ADAMTSL1: variants seen among roughly 807,000 people sequenced by gnomAD.
ADAMTSL1 encodes ADAMTS-like protein 1.
A neutral mutation model predicts 201.8 loss-of-function variants in ADAMTSL1; 126 were observed. The observed-to-expected ratio is 0.62, with a 90% CI of 0.54 to 0.72. The LOEUF is 0.72. Ranked by LOEUF, ADAMTSL1 falls within the 30% of genes least tolerant of loss-of-function variation. ADAMTSL1 has a pLI of 0.00. For synonymous variants in ADAMTSL1, 1,121 were observed against 903.4 expected (o/e 1.24, Z -4.32); for missense variants, 2,679 against 2,277.8 (o/e 1.18, Z -3.59).
At chr9:18,356,604 AACACACAC>A (rs67090987) in intron 2 of ADAMTSL1, among the ~76,000 whole-genome samples, 33 of 143,550 alleles carry the variant, frequency 2.3e-4, no homozygotes, top group South Asian at 1.1e-3. Flanking sequence ...TACACAATAA[AACACACAC>A]ACACACACAC....
intron 1 of ADAMTSL1, among the ~76,000 whole-genome samples, chr9:18,053,702 T>G (rs2131674538): frequency 6.6e-6 from 1 of 152,310 alleles, no homozygotes; most frequent in Admixed American, 6.5e-5. Flanking sequence ...CATATATTAA[T>G]TCTTTGAATA....
chr9:18,238,655 G>A (rs1487942555), intron 2 of ADAMTSL1, among the ~76,000 whole-genome samples: 3 of 152,158 alleles, frequency 2.0e-5, no homozygotes, highest in Non-Finnish European at 4.4e-5. Context: ...CATAGAAAGA[G>A]AGCACTGAAA....
chr9:18,544,829 TTAA>T (rs1434493432), intron 3 of ADAMTSL1, among the ~76,000 whole-genome samples: 4 of 152,226 alleles, frequency 2.6e-5, no homozygotes, highest in East Asian at 3.8e-4. Flanking sequence ...ACTCCTATTA[TTAA>T]TGACAGAGTG....
intron 2 of ADAMTSL1, among the ~76,000 whole-genome samples, chr9:18,343,747 G>C (rs1835574170): frequency 6.6e-6 from 1 of 152,136 alleles, no homozygotes; most frequent in East Asian, 1.9e-4. Flanking sequence ...TTGTCTTAGA[G>C]GATGTAATAA....
intron 2 of ADAMTSL1, among the ~76,000 whole-genome samples, chr9:18,511,109 C>G (rs1817994721): frequency 6.6e-6 from 1 of 151,992 alleles, no homozygotes; most frequent in Non-Finnish European, 1.5e-5. Context: ...GGAAACTACC[C>G]CTCATTTGAG....
At chr9:18,551,982 T>G (rs945448917) in intron 3 of ADAMTSL1, among the ~76,000 whole-genome samples, 1 of 151,858 alleles carries the variant, frequency 6.6e-6, no homozygotes, top group Non-Finnish European at 1.5e-5. Flanking sequence ...GATTTCTTCT[T>G]TGTTAAGAAA....
chr9:18,596,944 T>A (rs1824301581), intron 4 of ADAMTSL1, among the ~76,000 whole-genome samples: 1 of 152,204 alleles, frequency 6.6e-6, no homozygotes, highest in Admixed American at 6.5e-5. Flanking sequence ...GAATTAATAT[T>A]CATTTTCTTC....
intron 4 of ADAMTSL1, among the ~76,000 whole-genome samples, chr9:18,614,605 C>A (rs1825584808): frequency 6.6e-6 from 1 of 152,052 alleles, no homozygotes; most frequent in South Asian, 2.1e-4. Context: ...TCCTCCGTGC[C>A]CCTTTGACCT....
At chr9:18,794,681 TGGAGTACA>T (rs1340124526) in intron 19 of ADAMTSL1, among the ~76,000 whole-genome samples, 1 of 151,624 alleles carries the variant, frequency 6.6e-6, no homozygotes, top group Non-Finnish European at 1.5e-5. Flanking sequence ...TGTCCCAAGC[TGGAGTACA>T]GTGGGGCAAT....
At chr9:18,672,782 T>C (rs572545651) in intron 9 of ADAMTSL1, among the ~76,000 whole-genome samples, 2 of 152,340 alleles carry the variant, frequency 1.3e-5, no homozygotes, top group African/African-American at 4.8e-5. Context: ...TCTCCTGAAT[T>C]GTCAATGGAC....
At chr9:17,938,648 C>G (rs1043751797) in intron 1 of ADAMTSL1, among the ~76,000 whole-genome samples, 5 of 152,202 alleles carry the variant, frequency 3.3e-5, no homozygotes, top group African/African-American at 1.2e-4. Context: ...AGGAAAGCCC[C>G]CGACCAAACA....
intron 10 of ADAMTSL1, among the ~76,000 whole-genome samples, chr9:18,679,332 A>G (rs1323074114): frequency 1.3e-5 from 2 of 152,190 alleles, no homozygotes; most frequent in Admixed American, 1.3e-4. Context: ...ATCCTCATCA[A>G]TAAGCAGAAT....
chr9:18,208,710 G>A (rs1443598932), intron 2 of ADAMTSL1, among the ~76,000 whole-genome samples: 1 of 152,140 alleles, frequency 6.6e-6, no homozygotes, highest in Non-Finnish European at 1.5e-5. Flanking sequence ...AGTTGGGACT[G>A]TATCCCAGGC....
At chr9:18,459,480 A>G (rs1188330820) in intron 2 of ADAMTSL1, among the ~76,000 whole-genome samples, 1 of 152,090 alleles carries the variant, frequency 6.6e-6, no homozygotes, top group African/African-American at 2.4e-5. Context: ...TTTATTGACT[A>G]TCTTAGAATA....
intron 23 of ADAMTSL1, among the ~76,000 whole-genome samples, chr9:18,866,623 G>C (rs746133873): frequency 1.2e-4 from 19 of 152,188 alleles, no homozygotes; most frequent in Non-Finnish European, 2.1e-4. Context: ...TCACTGTCCT[G>C]ATGTGAAGGG....
intron 2 of ADAMTSL1, among the ~76,000 whole-genome samples, chr9:18,223,893 T>C (rs1455001532): frequency 6.6e-6 from 1 of 152,184 alleles, no homozygotes; most frequent in Non-Finnish European, 1.5e-5. Context: ...TGTTCCTCCA[T>C]AGAGGTTGTA....
At chr9:18,582,568 G>T (rs1214059180) in intron 4 of ADAMTSL1, among the ~76,000 whole-genome samples, 3 of 152,094 alleles carry the variant, frequency 2.0e-5, no homozygotes, top group African/African-American at 4.8e-5. Context: ...GAAGTTTCAG[G>T]CTGGGTGCAG....
At chr9:17,916,701 G>A (rs1388659838) in intron 1 of ADAMTSL1, among the ~76,000 whole-genome samples, 2 of 152,138 alleles carry the variant, frequency 1.3e-5, no homozygotes, top group African/African-American at 2.4e-5. Context: ...CACACTTTGA[G>A]TGGTATAGCC....
chr9:17,963,080 A>T (rs1358682978), intron 1 of ADAMTSL1, among the ~76,000 whole-genome samples: 1 of 152,212 alleles, frequency 6.6e-6, no homozygotes, highest in Non-Finnish European at 1.5e-5. Context: ...TTAGAGGTTC[A>T]TTTGAACAAT....
Sources: gnomAD v4.1 joint callset for allele counts (sites outside exome capture counted in the v4.1 genomes callset) on GRCh38, gnomAD v4.1.1 for gene constraint, MANE v1.5 for transcripts, NCBI Gene and HGNC (gene_info 2026-07-23, HGNC 2026-07-21) for gene names.